The following MRC2 variants were observed in gnomAD, a reference collection of about 807,000 sequenced individuals.
MRC2 encodes the protein C-type mannose receptor 2.
MRC2 carries 84 observed loss-of-function variants against 206.2 expected under a neutral mutation model. The ratio of observed to expected loss-of-function variants is 0.41; its 90% CI spans 0.34 to 0.49. The LOEUF (loss-of-function observed/expected upper bound fraction) is 0.49, where lower values mean the gene tolerates loss of function less well. Ranked by LOEUF, MRC2 falls within the 20% of genes least tolerant of loss-of-function variation. The pLI, the probability that MRC2 is intolerant of heterozygous loss-of-function variation, is 0.31. For missense variants in MRC2, 1,676 were observed against 2,001.5 expected (o/e 0.84, Z 3.10); for synonymous variants, 798 against 800.0 (o/e 1.00, Z 0.04).
At chr17:62,651,124 G>T (rs893166141) in intron 1 of MRC2, among the ~76,000 whole-genome samples, 3 of 148,362 alleles carry the variant, frequency 2.0e-5, no homozygotes, top group Admixed American at 6.8e-5. Flanking sequence ...TCGCTCTGTC[G>T]CCAGGCTGGA....
Position 62,688,297 on chromosome 17 carries a change from G to A in MRC2, c.2955G>A (p.Gln985=). The A allele has an allele frequency of 6.2e-7, 1 of 1,614,048 alleles. No individual in the cohort carries two copies. The highest frequency in any genetic ancestry group is 1.1e-5 in the South Asian group (1 of 91,084). ...CCACCTCTGCCCCACAGTGTTTTCA[G>A]GTCCAGGGCCAGGAACCCCAGAGCC... ...DWIQFLNKCF[Q]VQGQEPQSRV... Residue 985 remains glutamine, a synonymous_variant, in exon 21 of 30, where the codon CAG becomes CAA. Transcript: ENST00000303375.
Position 62,688,851 on chromosome 17 carries a change from G to T in MRC2, c.3226-1G>T, listed in dbSNP as rs1325318542. 2 of 1,609,256 alleles carry T rather than the reference G, an allele frequency of 1.2e-6. No homozygotes were observed. The highest frequency in any genetic ancestry group is 1.1e-5 in the South Asian group (1 of 90,382). ...TCCCCTGAGCAGCTCCCTCCCCCCAGACCAGCTGTGCAGTGGTCCTGCACA... is the reference window on the plus strand; with the variant it reads ...TCCCCTGAGCAGCTCCCTCCCCCCATACCAGCTGTGCAGTGGTCCTGCACA... On this transcript the variant is annotated splice_acceptor_variant, in intron 22 of 29. Transcript: ENST00000303375. LOFTEE classifies it high-confidence loss of function.
rs2088904427 is a variant in MRC2, at chr17:62,677,262, C to T, written c.1835-7C>T. Reference sequence around the variant, plus strand: ...CAGAGCCTGGGTCTCCCTTCCCTCTCCTTCAGGGTACAGCCGTGGGGGCTG... The same window carrying T: ...CAGAGCCTGGGTCTCCCTTCCCTCTTCTTCAGGGTACAGCCGTGGGGGCTG... On this transcript the variant is annotated splice_region_variant and splice_polypyrimidine_tract_variant and intron_variant, in intron 11 of 29. Coordinates refer to ENST00000303375, the MANE Select transcript of MRC2 (RefSeq NM_006039.5). 3 of 1,579,518 alleles carry T rather than the reference C, an allele frequency of 1.9e-6. No homozygotes were observed. The Admixed American group carries it at 5.4e-5, about 28-fold the overall frequency.
At chr17:62,651,362 G>A (rs867135183) in intron 1 of MRC2, among the ~76,000 whole-genome samples, 2 of 152,198 alleles carry the variant, frequency 1.3e-5, no homozygotes, top group Non-Finnish European at 1.5e-5. Context: ...GATTACAGGC[G>A]TGAGCCACTG....
intron 1 of MRC2, among the ~76,000 whole-genome samples, chr17:62,640,604 C>G (rs2088389293): frequency 6.6e-6 from 1 of 152,152 alleles, no homozygotes; most frequent in South Asian, 2.1e-4. Flanking sequence ...GCCTCGACCT[C>G]CTGGGCTGAA....
rs1172033966 is a variant in MRC2 at position 62,680,884 on chromosome 17, G to C, written c.2558G>C (p.Cys853Ser). 1 of 1,613,036 alleles carries C rather than the reference G, an allele frequency of 6.2e-7. No individual in the cohort carries two copies. The highest frequency in any genetic ancestry group is 1.3e-5 in the African/African-American group (1 of 74,960). The change falls in exon 17 of 30, where the codon TGC (cysteine) becomes TCC (serine). Residue 853 changes from cysteine to serine, a missense_variant. By Grantham distance (112) the Cys-to-Ser change is moderately radical. This residue lies in a region of MRC2 where 1,354 missense variants were observed against 1,636.6 expected (regional missense o/e 0.83). Transcript: ENST00000303375. This position sits in a 1 kb window ranked among gnomAD's most constrained non-coding sequence, Gnocchi z 4.8. ...HSTWAQAQRICTWFQAELTSV... is the reference protein window; with the variant it reads ...HSTWAQAQRISTWFQAELTSV... Reference sequence around the variant, plus strand: ...ACGTGGGCGCAGGCGCAGCGCATCTGCACGTGGTTCCAGGCCGAGCTGACC... The same window carrying C: ...ACGTGGGCGCAGGCGCAGCGCATCTCCACGTGGTTCCAGGCCGAGCTGACC...
intron 20 of MRC2, among the ~76,000 whole-genome samples, chr17:62,684,261 A>G (rs945327097): frequency 3.3e-5 from 5 of 152,204 alleles, no homozygotes; most frequent in African/African-American, 1.2e-4. Context: ...TCATTTCTAA[A>G]TAATTCTCCC....
At position 62,681,889 on chromosome 17, in the gene MRC2, C is replaced by G. The variant is rs201964470; in HGVS notation, c.2755C>G (p.Arg919Gly). 1 of 1,613,980 alleles carries G rather than the reference C, an allele frequency of 6.2e-7. No individual in the cohort carries two copies. The highest frequency in any genetic ancestry group is 8.5e-7 in the Non-Finnish European group (1 of 1,179,990). The stretch of plus-strand genomic sequence containing the variant: ...CATCTCCTGGGCACCAGGCAAACCT[C>G]GGCCTGTCGGCAAGGACAAGAAGTG... Reference protein sequence around the residue: ...NFISWAPGKPRPVGKDKKCVY... With the variant: ...NFISWAPGKPGPVGKDKKCVY... Residue 919 changes from arginine to glycine, a missense_variant, in exon 19 of 30, where the codon CGG (arginine) becomes GGG (glycine). Physicochemically the swap from Arg to Gly is moderately radical, Grantham distance 125. Coordinates refer to ENST00000303375, the MANE Select transcript of MRC2 (RefSeq NM_006039.5).
At chr17:62,636,422 C>G (rs1046748126) in intron 1 of MRC2, among the ~76,000 whole-genome samples, 2 of 151,796 alleles carry the variant, frequency 1.3e-5, no homozygotes, top group East Asian at 1.9e-4. Context: ...CCAAGATTCC[C>G]CAATGAAGAT....
At chr17:62,644,272 AG>A (rs765735772) in intron 1 of MRC2, among the ~76,000 whole-genome samples, 5 of 152,224 alleles carry the variant, frequency 3.3e-5, no homozygotes, top group Admixed American at 6.5e-5. Context: ...TACAAAAATT[AG>A]CAAGGTGTGG....
At chr17:62,686,790 T>C (rs1455819545) in intron 20 of MRC2, among the ~76,000 whole-genome samples, 1 of 152,240 alleles carries the variant, frequency 6.6e-6, no homozygotes, top group African/African-American at 2.4e-5. Flanking sequence ...ATTCTACTCA[T>C]GATTTAAGTT....
rs770707362 is a variant in MRC2, at chr17:62,675,876, T to G, written c.1656T>G (p.His552Gln). 3.1e-6 allele frequency: 5 copies of G among 1,614,108 alleles called. No homozygotes were observed. The East Asian group carries it at 1.1e-4, about 36-fold the overall frequency. Residue 552 changes from histidine to glutamine, a missense_variant, in exon 10 of 30, where the codon CAT becomes CAG. By Grantham distance (24) the His-to-Gln change is conservative. Transcript: ENST00000303375. The surrounding 1 kb of genome is among the most constrained non-coding windows in gnomAD (Gnocchi z 4.1). ...AGGCCCGGCGCCTGTGCACTGACCA[T>G]GGCTCTCAGCTGGTCACCATCACCA... ...YSEARRLCTD[H>Q]GSQLVTITNR...
chr17:62,649,447 G>A (rs2147446905), intron 1 of MRC2, among the ~76,000 whole-genome samples: 1 of 152,114 alleles, frequency 6.6e-6, no homozygotes, highest in Middle Eastern at 3.4e-3. Context: ...AAAAATTAGC[G>A]AGGCATGGTG....
intron 1 of MRC2, among the ~76,000 whole-genome samples, chr17:62,658,356 T>C (rs142626177): frequency 6.6e-6 from 1 of 152,302 alleles, no homozygotes; most frequent in East Asian, 1.9e-4. Flanking sequence ...AGCAGAAAGT[T>C]GGGTGGATTT....
intron 1 of MRC2, among the ~76,000 whole-genome samples, chr17:62,633,687 A>T (rs1190927315): frequency 2.7e-5 from 4 of 150,058 alleles, no homozygotes; most frequent in Non-Finnish European, 5.9e-5. Flanking sequence ...GAAAAAAAAA[A>T]AAAAAAAGCT....
At chr17:62,640,210 A>C (rs1211919235) in intron 1 of MRC2, among the ~76,000 whole-genome samples, 2 of 152,018 alleles carry the variant, frequency 1.3e-5, no homozygotes, top group Non-Finnish European at 2.9e-5. Flanking sequence ...ACTGTGAGAC[A>C]GTCTTACAAC....
At chr17:62,665,151 G>A (rs1375852888) in intron 2 of MRC2, among the ~76,000 whole-genome samples, 3 of 152,180 alleles carry the variant, frequency 2.0e-5, no homozygotes, top group Admixed American at 1.3e-4. Context: ...TGTAATCCCA[G>A]CACTTTGGGA....
In MRC2 at chr17:62,682,246, G is replaced by A; in HGVS notation, c.2815G>A (p.Asp939Asn). The A allele has an allele frequency of 6.3e-7, 1 of 1,596,174 alleles. No individual in the cohort carries two copies. The highest frequency in any genetic ancestry group is 8.5e-7 in the Non-Finnish European group (1 of 1,170,662). Residue 939 changes from aspartate to asparagine, a missense_variant, in exon 20 of 30, where the codon GAC becomes AAC. Coordinates refer to ENST00000303375, the MANE Select transcript of MRC2 (RefSeq NM_006039.5). Reference protein sequence around the residue: ...YMTASREDWGDQRCLTALPYI... With the variant: ...YMTASREDWGNQRCLTALPYI... ...TCCCCTTTCCGCAGAGGACTGGGGG[G>A]ACCAGAGGTGCCTGACAGCCTTGCC...
chr17:62,682,123 G>A, intron 19 of MRC2, 112 bp from the exon 20 acceptor site: 1 of 1,240,390 alleles, frequency 8.1e-7, no homozygotes, highest in Admixed American at 2.8e-5. Flanking sequence ...CTGGACACAG[G>A]CCCTGAGCCT....
Sources: gnomAD v4.1 joint callset for allele counts (sites outside exome capture counted in the v4.1 genomes callset) on GRCh38, gnomAD v4.1.1 for gene constraint, gnomAD v4.1.1 regional missense constraint, Gnocchi (gnomAD v3.1) non-coding constraint, MANE v1.5 for transcripts, NCBI Gene and HGNC (gene_info 2026-07-23, HGNC 2026-07-21) for gene names.